The following DCAF8L2 variants were observed in gnomAD, a reference collection of about 807,000 sequenced individuals.
DCAF8L2 encodes DDB1- and CUL4-associated factor 8-like protein 2.
For synonymous variants in DCAF8L2, 200 were observed against 190.9 expected (o/e 1.05, Z -0.39); for missense variants, 430 against 490.7 (o/e 0.88, Z 1.17).
intron 2 of DCAF8L2, among the ~76,000 whole-genome samples, chrX:27,676,643 T>C (rs1930147992): frequency 9.0e-6 from 1 of 110,738 alleles, no homozygotes; most frequent in South Asian, 4.0e-4. Context: ...AGAATGTTTA[T>C]GGGACTTGAA....
the DCAF8L2 span, among the ~76,000 whole-genome samples, chrX:27,482,919 A>C: frequency 9.0e-6 from 1 of 111,494 alleles, no homozygotes; most frequent in South Asian, 3.7e-4. Context: ...CCCATGCCTG[A>C]AAGAGTAATT....
At chrX:27,677,533 C>A (rs906749204) in intron 2 of DCAF8L2, among the ~76,000 whole-genome samples, 1 of 110,826 alleles carries the variant, frequency 9.0e-6, no homozygotes, top group African/African-American at 3.3e-5. Context: ...TCACTATGGC[C>A]CTGTTCCAAG....
chrX:27,538,719 T>C, the DCAF8L2 span, among the ~76,000 whole-genome samples: 1 of 111,194 alleles, frequency 9.0e-6, no homozygotes, highest in Non-Finnish European at 1.9e-5. Context: ...TCATGCTATA[T>C]GACACAGGGA....
At chrX:27,616,138 T>TA (rs748300932) in intron 1 of DCAF8L2, among the ~76,000 whole-genome samples, 1 of 110,972 alleles carries the variant, frequency 9.0e-6, no homozygotes, top group Non-Finnish European at 1.9e-5. Context: ...ATTCTTCAAA[T>TA]AAAAAAATAG....
In DCAF8L2 at chrX:27,606,358, A is replaced by AATATATATATATATAT. The variant is rs200718182; in HGVS notation, c.-342+15927_-342+15942dup. 2.3e-3 allele frequency among the ~76,000 whole-genome samples: 92 copies of AATATATATATATATAT among 39,732 alleles called. 2 individuals carry two copies. Among genetic ancestry groups the AATATATATATATATAT allele is most frequent in the African/African-American group, 0.014 (76 of 5,388 alleles). The allele number at this position is 39,732 out of a possible 115,157, so 34.5% of individuals were successfully genotyped here. ...TATAGGAATTATATATATATCTAGG[A>AATATATATATATATAT]ATATATATATATATATATATATATT... On this transcript the variant is annotated intron_variant, in intron 1 of 4. Transcript: ENST00000451261.
At chrX:27,483,877 C>T in the DCAF8L2 span, among the ~76,000 whole-genome samples, 1 of 110,678 alleles carries the variant, frequency 9.0e-6, no homozygotes, top group Non-Finnish European at 1.9e-5. Context: ...GAACTGTGGC[C>T]TTCATGGATT....
the DCAF8L2 span, among the ~76,000 whole-genome samples, chrX:27,477,508 C>T: frequency 1.8e-5 from 2 of 111,222 alleles, no homozygotes; most frequent in Admixed American, 9.5e-5. Flanking sequence ...AGGATGGTCT[C>T]GATCTCCTGA....
upstream of DCAF8L2, among the ~76,000 whole-genome samples, chrX:27,587,985 A>AAAATATATATATATAT: frequency 7.6e-4 from 17 of 22,350 alleles, no homozygotes; most frequent in African/African-American, 1.2e-3. Context: ...TAAAAAAAAA[A>AAAATATATATATATAT]ATATATATAT....
chrX:27,610,410 T>C (rs1402833889), intron 1 of DCAF8L2, among the ~76,000 whole-genome samples: 1 of 110,852 alleles, frequency 9.0e-6, no homozygotes, highest in Admixed American at 9.8e-5. Flanking sequence ...TGTGTGTGTG[T>C]GTGCGTGATG....
chrX:27,655,218 A>G (rs759523335), intron 2 of DCAF8L2, among the ~76,000 whole-genome samples: 9 of 112,377 alleles, frequency 8.0e-5, no homozygotes, highest in Admixed American at 1.9e-4. Flanking sequence ...AAATAATATG[A>G]CACTTTAACC....
chrX:27,575,377 G>T, the DCAF8L2 span, among the ~76,000 whole-genome samples: 2 of 111,486 alleles, frequency 1.8e-5, no homozygotes, highest in South Asian at 7.6e-4. Flanking sequence ...GGCCAGAGTT[G>T]TCTTGGAAAA....
the DCAF8L2 span, among the ~76,000 whole-genome samples, chrX:27,507,435 C>T: frequency 8.9e-6 from 1 of 111,738 alleles, no homozygotes; most frequent in African/African-American, 3.2e-5. Flanking sequence ...GGCACCCCCA[C>T]TAGAGAATGA....
chrX:27,478,698 T>C, the DCAF8L2 span, among the ~76,000 whole-genome samples: 1 of 112,310 alleles, frequency 8.9e-6, no homozygotes, highest in Non-Finnish European at 1.9e-5. Context: ...TAGGAATTAT[T>C]AGAGCCAAAG....
At chrX:27,609,680 C>T (rs966874252) in intron 1 of DCAF8L2, among the ~76,000 whole-genome samples, 8 of 111,306 alleles carry the variant, frequency 7.2e-5, no homozygotes, top group African/African-American at 2.6e-4. Flanking sequence ...TTACATATGT[C>T]TGATGCTCTT....
the DCAF8L2 span, chrX:27,519,601 G>A: frequency 1.5e-6 from 1 of 657,021 alleles, no homozygotes; most frequent in East Asian, 3.2e-5. Context: ...GACAGAAAAC[G>A]AACATGATGA....
chrX:27,607,700 A>G (rs1333259432), intron 1 of DCAF8L2, among the ~76,000 whole-genome samples: 1 of 112,037 alleles, frequency 8.9e-6, no homozygotes. Context: ...ACAAATAACC[A>G]TGATTTTCTT....
intron 3 of DCAF8L2, among the ~76,000 whole-genome samples, chrX:27,682,806 T>C (rs1930373681): frequency 9.0e-6 from 1 of 110,987 alleles, no homozygotes; most frequent in Non-Finnish European, 1.9e-5. Flanking sequence ...TAAAGTTTTA[T>C]GTGCTTTATA....
At chrX:27,556,461 TAA>T in the DCAF8L2 span, among the ~76,000 whole-genome samples, 1 of 112,033 alleles carries the variant, frequency 8.9e-6, no homozygotes, top group Non-Finnish European at 1.9e-5. Flanking sequence ...TGATTATTGA[TAA>T]AAGTGTTTGG....
chrX:27,732,477 T>G (rs188188738), intron 4 of DCAF8L2, among the ~76,000 whole-genome samples: 18 of 93,363 alleles, frequency 1.9e-4, no homozygotes, highest in Admixed American at 1.8e-3. Flanking sequence ...CTTAATAATT[T>G]TCCTGTGTGT....
Sources: gnomAD v4.1 joint callset for allele counts (sites outside exome capture counted in the v4.1 genomes callset) on GRCh38, gnomAD v4.1.1 for gene constraint, MANE v1.5 for transcripts, NCBI Gene and HGNC (gene_info 2026-07-23, HGNC 2026-07-21) for gene names.